WWTR1: variants seen among roughly 807,000 people sequenced by gnomAD.
WWTR1 encodes the protein WW domain-containing transcription regulator protein 1.
WWTR1 carries 13 observed loss-of-function variants against 40.1 expected under a neutral mutation model. That is an observed-to-expected ratio of 0.32 (90% CI 0.21 to 0.52). WWTR1 has a LOEUF of 0.52. Among genes scored for constraint, WWTR1 ranks in the 20% least tolerant of loss-of-function variants. WWTR1 has a pLI of 0.97. For missense variants in WWTR1, 436 were observed against 523.1 expected (o/e 0.83, Z 1.63); for synonymous variants, 230 against 210.1 (o/e 1.09, Z -0.82).
At chr3:149,528,699 G>A (rs1270964243) in intron 4 of WWTR1, among the ~76,000 whole-genome samples, 1 of 152,074 alleles carries the variant, frequency 6.6e-6, no homozygotes, top group Non-Finnish European at 1.5e-5. Context: ...TGCCTGGGAG[G>A]TTGAGACTAA....
rs1402893555 is a variant in WWTR1 at position 149,657,125 on chromosome 3, T to A, written c.182A>T (p.His61Leu). 5.0e-6 allele frequency: 8 copies of A among 1,590,132 alleles called. No homozygotes were observed. The highest frequency in any genetic ancestry group is 6.0e-6 in the Non-Finnish European group (7 of 1,170,758). ...CGAGTCGGTGCTGGACTGGCGCGAG[T>A]GCGAGCCCGAATCAGGCTCCTTAAA... ...SFFKEPDSGS[H>L]SRQSSTDSSG... The change falls in exon 2 of 7, where the codon CAC becomes CTC. Residue 61 changes from histidine to leucine, a missense_variant. By Grantham distance (99) the His-to-Leu change is moderately conservative. Coordinates refer to ENST00000360632, the MANE Select transcript of WWTR1 (RefSeq NM_015472.6).
intron 3 of WWTR1, among the ~76,000 whole-genome samples, chr3:149,562,600 GACACAC>G (rs60366789): frequency 0.16 from 22,310 of 135,706 alleles, 1,933 homozygotes; most frequent in African/African-American, 0.19. Flanking sequence ...TTAAAATACA[GACACAC>G]ACACACACAC....
intron 1 of WWTR1, among the ~76,000 whole-genome samples, chr3:149,671,905 T>C (rs569627794): frequency 5.8e-4 from 88 of 152,310 alleles, no homozygotes; most frequent in African/African-American, 1.9e-3. Flanking sequence ...AGGTCCAGCA[T>C]GTAACTGCTC....
At chr3:149,565,308 T>A (rs893501434) in intron 3 of WWTR1, among the ~76,000 whole-genome samples, 1 of 141,928 alleles carries the variant, frequency 7.0e-6, no homozygotes, top group Non-Finnish European at 1.5e-5. Flanking sequence ...AGCATACTAC[T>A]TTTTTTTTTT....
At chr3:149,557,433 G>A (rs560427930) in intron 3 of WWTR1, among the ~76,000 whole-genome samples, 4 of 151,992 alleles carry the variant, frequency 2.6e-5, no homozygotes, top group Non-Finnish European at 4.4e-5. Context: ...GATGACTTAC[G>A]GGGAAGTACA....
intron 1 of WWTR1, among the ~76,000 whole-genome samples, chr3:149,670,053 T>C (rs1378259308): frequency 1.3e-5 from 2 of 152,148 alleles, no homozygotes; most frequent in African/African-American, 4.8e-5. Context: ...AGCTGACCCT[T>C]AGGGGCGTCC....
upstream of WWTR1, among the ~76,000 whole-genome samples, chr3:149,662,924 C>A (rs1713646990): frequency 6.6e-6 from 1 of 152,186 alleles, no homozygotes; most frequent in Non-Finnish European, 1.5e-5. Flanking sequence ...AATTGTCCTC[C>A]AAACTCCATT....
intron 1 of WWTR1, among the ~76,000 whole-genome samples, chr3:149,678,003 T>C (rs1215056962): frequency 1.3e-5 from 2 of 151,918 alleles, no homozygotes; most frequent in African/African-American, 4.8e-5. Context: ...ACTCCTGATC[T>C]CAGCTGATCC....
chr3:149,620,562 G>GCCCC (rs11391436), intron 2 of WWTR1, among the ~76,000 whole-genome samples: 1 of 94,928 alleles, frequency 1.1e-5, no homozygotes, highest in Non-Finnish European at 1.9e-5. Flanking sequence ...CTCCTCCACC[G>GCCCC]CTCCCCCCCA....
intron 2 of WWTR1, among the ~76,000 whole-genome samples, chr3:149,588,930 A>G (rs1237234979): frequency 6.6e-6 from 1 of 152,192 alleles, no homozygotes; most frequent in African/African-American, 2.4e-5. Context: ...GGTGCTCTGA[A>G]CTAGAGAGAG....
intron 5 of WWTR1, among the ~76,000 whole-genome samples, chr3:149,527,288 C>T (rs1735365734): frequency 6.6e-6 from 1 of 151,938 alleles, no homozygotes; most frequent in Non-Finnish European, 1.5e-5. Context: ...GCTGGGATTA[C>T]AGGCATGCAC....
chr3:149,548,618 A>C (rs1282218307), intron 3 of WWTR1, among the ~76,000 whole-genome samples: 1 of 152,244 alleles, frequency 6.6e-6, no homozygotes, highest in Non-Finnish European at 1.5e-5. Flanking sequence ...GCTGGCGCCC[A>C]GTGGCTAGAA....
chr3:149,670,856 T>A (rs895762555), intron 1 of WWTR1: 2 of 152,088 alleles, frequency 1.3e-5, no homozygotes, highest in Non-Finnish European at 2.9e-5. Context: ...AAAAAAGTTA[T>A]CACACTGCTT....
rs57176941 is a variant in WWTR1, at chr3:149,652,757, G to C, written c.431+4119C>G. ...AGAGAAAAAAGAAAACTAGCTTAAA[G>C]AGCTACATTCTCACTTTCATATCAG... On this transcript the variant is annotated intron_variant, in intron 2 of 6. Transcript: ENST00000360632. Among the ~76,000 whole-genome samples the C allele has an allele frequency of 6.8e-3, 978 of 144,258 alleles. 10 individuals are homozygous for C. Among genetic ancestry groups the C allele is most frequent in the African/African-American group, 0.024 (934 of 38,744 alleles). 94.6% of individuals were successfully genotyped at this position (144,258 alleles called of 152,430 possible). A position where few individuals can be genotyped will look rare whatever the true frequency, so the allele number is the denominator to read the frequency against.
chr3:149,588,945 A>G (rs1738569721), intron 2 of WWTR1, among the ~76,000 whole-genome samples: 1 of 152,208 alleles, frequency 6.6e-6, no homozygotes, highest in East Asian at 1.9e-4. Flanking sequence ...AGAGAGGCAC[A>G]AAAGGGGGAA....
At chr3:149,594,930 TGCCTATAACC>T (rs1738912557) in intron 2 of WWTR1, among the ~76,000 whole-genome samples, 1 of 150,832 alleles carries the variant, frequency 6.6e-6, no homozygotes, top group Admixed American at 6.6e-5. Flanking sequence ...AATCTCATAT[TGCCTATAACC>T]TCTTTTTTAC....
At chr3:149,616,165 T>C (rs1739960038) in intron 2 of WWTR1, among the ~76,000 whole-genome samples, 1 of 152,208 alleles carries the variant, frequency 6.6e-6, no homozygotes, top group African/African-American at 2.4e-5. Context: ...TTTTACTGCC[T>C]GTGGGCTTTT....
At chr3:149,696,271 G>C (rs1559844053) in intron 1 of WWTR1, among the ~76,000 whole-genome samples, 1 of 152,050 alleles carries the variant, frequency 6.6e-6, no homozygotes, top group African/African-American at 2.4e-5. Context: ...CCTCAACACA[G>C]AGACTGGCAA....
chr3:149,604,405 T>C (rs2108055780), intron 2 of WWTR1, among the ~76,000 whole-genome samples: 1 of 152,280 alleles, frequency 6.6e-6, no homozygotes, highest in Middle Eastern at 3.4e-3. Context: ...GCTCCTTAGC[T>C]AAAAGAGAAG....
Sources: gnomAD v4.1 joint callset for allele counts (sites outside exome capture counted in the v4.1 genomes callset) on GRCh38, gnomAD v4.1.1 for gene constraint, MANE v1.5 for transcripts, NCBI Gene and HGNC (gene_info 2026-07-23, HGNC 2026-07-21) for gene names.